The following TRPV5 variants were observed in gnomAD, a reference collection of about 807,000 sequenced individuals.
The protein encoded by TRPV5 is calcium transport protein 2.
In TRPV5, 66 loss-of-function variants were observed where a neutral mutation model predicts 74.1. The ratio of observed to expected loss-of-function variants is 0.89; its 90% CI spans 0.73 to 1.09. The LOEUF (loss-of-function observed/expected upper bound fraction) is 1.09, where lower values mean the gene tolerates loss of function less well. Among genes scored for constraint, TRPV5 ranks in the 50% least tolerant of loss-of-function variants. TRPV5 has a pLI of 0.00. For missense variants in TRPV5, 936 were observed against 930.4 expected (o/e 1.01, Z -0.08); for synonymous variants, 399 against 360.7 (o/e 1.11, Z -1.20).
intron 9 of TRPV5, 30 bp downstream of exon 9, chr7:142,915,452 G>A (rs750427143): frequency 1.2e-6 from 2 of 1,612,822 alleles, no homozygotes; most frequent in Non-Finnish European, 1.7e-6. Flanking sequence ...AGATGGGATG[G>A]GATTAGCCTG....
chr7:142,916,852 C>T lies in TRPV5; in HGVS notation c.1123-1284G>A, dbSNP rs1795807837. On this transcript the variant is annotated intron_variant, in intron 8 of 14. Coordinates refer to ENST00000265310, the MANE Select transcript of TRPV5 (RefSeq NM_019841.7). Reference sequence around the variant, plus strand: ...AGCTTCTGTCTGTGTGTCTGGAGAACTCTGTGGTCTAACAACCTGTGACCA... The same window carrying T: ...AGCTTCTGTCTGTGTGTCTGGAGAATTCTGTGGTCTAACAACCTGTGACCA... Among the ~76,000 whole-genome samples the T allele has an allele frequency of 2.0e-5, 3 of 150,086 alleles. No individual in the cohort carries two copies. In the East Asian group the frequency reaches 5.9e-4, roughly 30 times the overall value.
chr7:142,914,689 T>G lies in TRPV5; in HGVS notation c.1470A>C (p.Leu490=). 1 of 1,613,752 alleles carries G rather than the reference T, an allele frequency of 6.2e-7. No individual in the cohort carries two copies. The highest frequency in any genetic ancestry group is 8.5e-7 in the Non-Finnish European group (1 of 1,179,886). ...CAGCCATCAGCCAGCAGAAACGCATTAGGTCTCCAAAAATCATCTGCAGGA... is the reference window on the plus strand; with the variant it reads ...CAGCCATCAGCCAGCAGAAACGCATGAGGTCTCCAAAAATCATCTGCAGGA... ...IMIQKMIFGD[L]MRFCWLMAVV... The change falls in exon 12 of 15, where the codon CTA becomes CTC. Residue 490 remains leucine (L), a synonymous_variant. Transcript: ENST00000265310.
At chr7:142,929,339 A>G in intron 4 of TRPV5, 89 bp downstream of exon 4, 1 of 1,564,734 alleles carries the variant, frequency 6.4e-7, no homozygotes, top group Non-Finnish European at 8.7e-7. Flanking sequence ...CAACAGATGG[A>G]GCTGAAGGCA....
chr7:142,917,569 T>C (rs1563372092), intron 8 of TRPV5, among the ~76,000 whole-genome samples: 1 of 152,200 alleles, frequency 6.6e-6, no homozygotes, highest in Admixed American at 6.5e-5. Context: ...GGGGACAGTT[T>C]TGGTCACCAA....
intron 8 of TRPV5, 72 bp downstream of exon 8, chr7:142,925,457 T>A: frequency 6.5e-7 from 1 of 1,534,976 alleles, no homozygotes. Flanking sequence ...CGTCCCTGAG[T>A]AGCATGGCTT....
At chr7:142,909,381 GC>G in intron 14 of TRPV5, 108 bp downstream of exon 14, 1 of 1,166,970 alleles carries the variant, frequency 8.6e-7, no homozygotes. Flanking sequence ...TTCAGCTCCA[GC>G]CCCCTCCCCT....
chr7:142,925,508 T>TC (rs1563375704), intron 8 of TRPV5, 21 bp downstream of exon 8: 2 of 1,612,410 alleles, frequency 1.2e-6, no homozygotes, highest in African/African-American at 2.7e-5. Context: ...TTCTCTCTCA[T>TC]CCCCTTCTGA....
At position 142,909,664 on chromosome 7, in the gene TRPV5, C is replaced by T. The variant is rs1324305018; in HGVS notation, c.1789-68G>A. 7.1e-6 allele frequency: 11 copies of T among 1,541,180 alleles called. No individual in the cohort carries two copies. In the Admixed American group the frequency reaches 2.0e-4, roughly 28 times the overall value. On this transcript the variant is annotated intron_variant, in intron 13 of 14. Coordinates refer to ENST00000265310, the MANE Select transcript of TRPV5 (RefSeq NM_019841.7). ...ATGAGGTTCAAAGAGGCACTGAGGCCACTGATAAAGGGAACCAAAGGCAAT... is the reference window on the plus strand; with the variant it reads ...ATGAGGTTCAAAGAGGCACTGAGGCTACTGATAAAGGGAACCAAAGGCAAT...
At chr7:142,909,057 TTGTG>T (rs1490429009) in intron 14 of TRPV5, among the ~76,000 whole-genome samples, 1 of 151,920 alleles carries the variant, frequency 6.6e-6, no homozygotes, top group Non-Finnish European at 1.5e-5. Flanking sequence ...GTGTGTGTGT[TTGTG>T]TGTTACTAAT....
chr7:142,930,258 C>T, intron 2 of TRPV5, 78 bp from the exon 3 acceptor site: 1 of 1,610,270 alleles, frequency 6.2e-7, no homozygotes, highest in African/African-American at 1.3e-5. Context: ...CAGAGACACC[C>T]TCCAAGGCCC....
chr7:142,925,327 C>G, intron 8 of TRPV5: 1 of 604,016 alleles, frequency 1.7e-6, no homozygotes, highest in East Asian at 2.8e-5. Context: ...AGAAAATCCA[C>G]AGCTCCCTGG....
rs1280410497 is a variant in TRPV5, at chr7:142,925,706, C to A, written c.945G>T (p.Glu315Asp). 9 of 1,614,050 alleles carry A rather than the reference C, an allele frequency of 5.6e-6. No individual in the cohort carries two copies. Among genetic ancestry groups the A allele is most frequent in the Non-Finnish European group, 7.6e-6 (9 of 1,180,032 alleles). ...RQILEQTPVKELVSFKWNKYG... is the reference protein window; with the variant it reads ...RQILEQTPVKDLVSFKWNKYG... ...ACTTGTTCCACTTGAAGCTCACCAG[C>A]TCCTTCACTGGGGTCTGTTCCAGAA... is the stretch of plus-strand genomic sequence containing the variant. The change falls in exon 8 of 15, where the codon GAG (glutamate) becomes GAT (aspartate). Residue 315 changes from glutamate (E) to aspartate (D), a missense_variant. Transcript: ENST00000265310.
chr7:142,912,273 C>T (rs1370089156), intron 13 of TRPV5, among the ~76,000 whole-genome samples: 1 of 152,210 alleles, frequency 6.6e-6, no homozygotes, highest in Non-Finnish European at 1.5e-5. Flanking sequence ...AGCAACAACC[C>T]CACCTCTTGC....
rs769025943 is a variant in TRPV5 at position 142,908,649 on chromosome 7, A to G, written c.2055T>C (p.Thr685=). Residue 685 remains threonine (T), a synonymous_variant, in exon 15 of 15, where the codon ACT becomes ACC. Transcript: ENST00000265310. ...GGGACGCGGTCCGGGACAGGGAGGA[A>G]GTTGGAAGAGCCAAAGAGGCTCTGG... is the stretch of plus-strand genomic sequence containing the variant. ...TLARASLALP[T]SSLSRTASQS... is the part of the protein sequence containing the mutation. 1 of 1,614,194 alleles carries G rather than the reference A, an allele frequency of 6.2e-7. No homozygotes were observed. Among genetic ancestry groups the G allele is most frequent in the East Asian group, 2.2e-5 (1 of 44,880 alleles).
intron 8 of TRPV5, among the ~76,000 whole-genome samples, chr7:142,924,079 GC>G (rs1795927218): frequency 6.6e-6 from 1 of 151,588 alleles, no homozygotes; most frequent in Non-Finnish European, 1.5e-5. Flanking sequence ...ATGTCTCCAT[GC>G]CAGGGACAAC....
At position 142,928,837 on chromosome 7, in the gene TRPV5, G is replaced by A; in HGVS notation, c.616C>T (p.Gln206Ter). The A allele has an allele frequency of 6.2e-7, 1 of 1,614,160 alleles. No individual in the cohort carries two copies. The highest frequency in any genetic ancestry group is 8.5e-7 in the Non-Finnish European group (1 of 1,180,030). Residue 206 changes from glutamine (Q) to a stop codon, truncating the protein, a stop_gained, in exon 6 of 15, where the codon CAG becomes TAG. Coordinates refer to ENST00000265310, the MANE Select transcript of TRPV5 (RefSeq NM_019841.7). LOFTEE classifies it high-confidence loss of function. ...TGGCAGGCAAAGGTTTTGTTGGGCT[G>A]GAGGATGAGGATGTGTAATACTGTG... ...GNTVLHILIL[Q>*]PNKTFACQMY...
Position 142,928,702 on chromosome 7 carries a change from C to G in TRPV5, c.751G>C (p.Gly251Arg). Reference sequence around the variant, plus strand: ...GGAGCGTCTCTTACCACAGTGTTACCCTCCACTCCAGCCAGCTTGAAGGGG... The same window carrying G: ...GGAGCGTCTCTTACCACAGTGTTACGCTCCACTCCAGCCAGCTTGAAGGGG... ...LTPFKLAGVEGNTVMFQHLMQ... is the reference protein window; with the variant it reads ...LTPFKLAGVERNTVMFQHLMQ... The change falls in exon 6 of 15, where the codon GGT becomes CGT. Residue 251 changes from glycine (G) to arginine (R), a missense_variant. Transcript: ENST00000265310. The G allele has an allele frequency of 6.2e-7, 1 of 1,613,658 alleles. No individual in the cohort carries two copies. Among genetic ancestry groups the G allele is most frequent in the Non-Finnish European group, 8.5e-7 (1 of 1,179,784 alleles).
rs750656420 is a variant in TRPV5, at chr7:142,912,543, G to C, written c.1727C>G (p.Ala576Gly). The C allele has an allele frequency of 6.2e-7, 1 of 1,614,242 alleles. No homozygotes were observed. Among genetic ancestry groups the C allele is most frequent in the South Asian group, 1.1e-5 (1 of 91,084 alleles). ...ATLLMLNLFIAMMGDTHWRVA... is the reference protein window; with the variant it reads ...ATLLMLNLFIGMMGDTHWRVA... ...CCTCCAGTGGGTGTCGCCCATCATG[G>C]CGATGAACAAGTTGAGCATGAGCAG... is the stretch of plus-strand genomic sequence containing the variant. Residue 576 changes from alanine to glycine, a missense_variant, in exon 13 of 15, where the codon GCC (alanine) becomes GGC (glycine). By Grantham distance (60) the Ala-to-Gly change is moderately conservative. Coordinates refer to ENST00000265310, the MANE Select transcript of TRPV5 (RefSeq NM_019841.7).
At chr7:142,914,081 C>T (rs1462810190) in intron 12 of TRPV5, among the ~76,000 whole-genome samples, 2 of 152,308 alleles carry the variant, frequency 1.3e-5, no homozygotes, top group East Asian at 3.9e-4. Context: ...TCTCTCTTCA[C>T]AACTCTTCTT....
Sources: allele counts gnomAD v4.1 joint callset (sites outside exome capture counted in the v4.1 genomes callset), GRCh38; gene constraint gnomAD v4.1.1; transcripts MANE v1.5; gene names NCBI Gene and HGNC (gene_info 2026-07-23, HGNC 2026-07-21).